PDE4D: variants seen among roughly 807,000 people sequenced by gnomAD.
PDE4D encodes the protein 3',5'-cyclic-AMP phosphodiesterase 4D.
Under a neutral mutation model 87.4 loss-of-function variants are expected in PDE4D, and 24 were observed. The observed-to-expected ratio is 0.27, with a 90% CI of 0.20 to 0.39. PDE4D has a LOEUF of 0.39. PDE4D is among the 10% of genes least tolerant of loss of function. The pLI is 1.00. For synonymous variants in PDE4D, 384 were observed against 383.2 expected, an observed-to-expected ratio of 1.00 and a Z score of -0.02; for missense variants, 714 against 1,041.0, an observed-to-expected ratio of 0.69 and a Z score of 4.32.
intron 2 of PDE4D, among the ~76,000 whole-genome samples, chr5:60,025,188 T>C (rs1766497135): frequency 6.6e-6 from 1 of 152,202 alleles, no homozygotes. Context: ...GCCTCACTTA[T>C]AAAGTAGTCT....
At chr5:60,316,053 A>G (rs1376856522) in intron 1 of PDE4D, among the ~76,000 whole-genome samples, 1 of 152,160 alleles carries the variant, frequency 6.6e-6, no homozygotes, top group East Asian at 1.9e-4. Context: ...TGGGGATGGC[A>G]TTGAATCGAT....
intron 6 of PDE4D, among the ~76,000 whole-genome samples, chr5:59,023,375 G>A (rs1355451846): frequency 6.6e-6 from 1 of 151,690 alleles, no homozygotes; most frequent in Non-Finnish European, 1.5e-5. Flanking sequence ...TGGGTGCACT[G>A]GCTCATGCAC....
intron 2 of PDE4D, among the ~76,000 whole-genome samples, chr5:59,999,317 G>C (rs1451213911): frequency 1.3e-5 from 2 of 152,078 alleles, no homozygotes; most frequent in Non-Finnish European, 2.9e-5. Context: ...GCCTGATTCA[G>C]AGCACTAATG....
At chr5:59,586,217 T>A (rs1246301834) in intron 1 of PDE4D, 2 of 788,872 alleles carry the variant, frequency 2.5e-6, no homozygotes, top group African/African-American at 3.4e-5. Context: ...AGTTTACTTT[T>A]CATTCTCACT....
chr5:59,717,033 C>T (rs879578817), intron 1 of PDE4D, among the ~76,000 whole-genome samples: 37 of 152,152 alleles, frequency 2.4e-4, no homozygotes, highest in Non-Finnish European at 4.4e-4. Context: ...GAGGAGAGCC[C>T]TTTTTTCCTT....
intron 1 of PDE4D, among the ~76,000 whole-genome samples, chr5:59,284,308 T>C (rs1424996743): frequency 6.6e-6 from 1 of 152,142 alleles, no homozygotes; most frequent in African/African-American, 2.4e-5. Context: ...GAACTCCTAC[T>C]GGAAAGGATT....
intron 5 of PDE4D, among the ~76,000 whole-genome samples, chr5:59,078,179 GC>G (rs1173688963): frequency 6.6e-6 from 1 of 152,048 alleles, no homozygotes; most frequent in Non-Finnish European, 1.5e-5. Context: ...AGTATGGTTT[GC>G]AATATTAAAA....
At chr5:59,560,476 C>A (rs1819783320) in intron 1 of PDE4D, among the ~76,000 whole-genome samples, 6 of 152,202 alleles carry the variant, frequency 3.9e-5, no homozygotes, top group Admixed American at 3.9e-4. Flanking sequence ...TCTTTTGGCA[C>A]CATGACTGTG....
At chr5:59,744,362 A>C (rs966574000) in intron 1 of PDE4D, among the ~76,000 whole-genome samples, 2 of 152,178 alleles carry the variant, frequency 1.3e-5, no homozygotes, top group African/African-American at 4.8e-5. Context: ...ATCATGGCAG[A>C]ATATACTTTA....
chr5:59,132,327 G>A (rs569888215), intron 5 of PDE4D, among the ~76,000 whole-genome samples: 7 of 152,224 alleles, frequency 4.6e-5, no homozygotes, highest in South Asian at 2.1e-4. Flanking sequence ...GGCTCTTGTC[G>A]CTAGTGGGTG....
At chr5:60,136,800 T>C (rs1013484618) in intron 2 of PDE4D, among the ~76,000 whole-genome samples, 3 of 152,154 alleles carry the variant, frequency 2.0e-5, no homozygotes, top group African/African-American at 7.2e-5. Context: ...CAAGTTCTTT[T>C]CTTCTTACTT....
chr5:59,978,050 T>C lies in PDE4D; in HGVS notation c.272+10438A>G, dbSNP rs539402744. 3.3e-5 allele frequency among the ~76,000 whole-genome samples: 5 copies of C among 152,296 alleles called. No individual in the cohort carries two copies. In the South Asian group the frequency reaches 1.0e-3, roughly 32 times the overall value. ...TCAAAATATGACTGTTCATTGACAA[T>C]GCACCTAGTCACTCAAGAGCTTTGC... On this transcript the variant is annotated intron_variant, in intron 3 of 16. Coordinates refer to the PDE4D transcript ENST00000502484.
chr5:59,147,967 A>G (rs2153458459), intron 5 of PDE4D, among the ~76,000 whole-genome samples: 1 of 152,288 alleles, frequency 6.6e-6, no homozygotes, highest in Non-Finnish European at 1.5e-5. Flanking sequence ...GCCTGCCAGA[A>G]TGTGATTTCT....
intron 1 of PDE4D, among the ~76,000 whole-genome samples, chr5:59,285,400 T>A (rs1766729450): frequency 6.6e-6 from 1 of 152,080 alleles, no homozygotes; most frequent in Admixed American, 6.6e-5. Flanking sequence ...TGGCTGGAAT[T>A]AGATTTCAAA....
intron 2 of PDE4D, among the ~76,000 whole-genome samples, chr5:60,179,068 G>A (rs1183744874): frequency 6.6e-6 from 1 of 152,108 alleles, no homozygotes; most frequent in African/African-American, 2.4e-5. Context: ...ACCTGAGTAG[G>A]AAGAATGGCA....
At chr5:59,207,690 C>G (rs1373260862) in intron 2 of PDE4D, among the ~76,000 whole-genome samples, 1 of 151,364 alleles carries the variant, frequency 6.6e-6, no homozygotes, top group Non-Finnish European at 1.5e-5. Flanking sequence ...TAAACTACCA[C>G]TTCTCCCTGC....
rs557954479 is a variant in PDE4D at position 59,343,690 on chromosome 5, GAAGA to G, written c.456-127726_456-127723del. Among the ~76,000 whole-genome samples, 9 of 152,290 alleles carry G rather than the reference GAAGA, an allele frequency of 5.9e-5. No individual in the cohort carries two copies. The South Asian group carries it at 1.7e-3, about 28-fold the overall frequency. ...TTTCATGAATGCATGCTTGATGTAT[GAAGA>G]AATATTTAGGCACATATCTTGGATC... On this transcript the variant is annotated intron_variant, in intron 1 of 14. Transcript: ENST00000340635.
chr5:60,371,748 AATGAAATC>A (rs1761048560), intron 1 of PDE4D, among the ~76,000 whole-genome samples: 1 of 152,168 alleles, frequency 6.6e-6, no homozygotes, highest in Admixed American at 6.5e-5. Flanking sequence ...GCTTTATGTA[AATGAAATC>A]ATGGCATGCA....
intron 1 of PDE4D, chr5:59,217,844 C>T (rs1751591785): frequency 3.6e-6 from 1 of 281,172 alleles, no homozygotes; most frequent in African/African-American, 2.3e-5. Context: ...CCCAGGAAGG[C>T]TGGAAGGGGA....
Sources: allele counts gnomAD v4.1 joint callset (sites outside exome capture counted in the v4.1 genomes callset), GRCh38; gene constraint gnomAD v4.1.1; transcripts MANE v1.5; gene names NCBI Gene and HGNC (gene_info 2026-07-23, HGNC 2026-07-21).